Variants in GPHN observed in about 807,000 individuals in gnomAD.
The protein encoded by GPHN is gephyrin.
Under a neutral mutation model 95.5 loss-of-function variants are expected in GPHN, and 17 were observed. That is an observed-to-expected ratio of 0.18 (90% confidence interval 0.12 to 0.27). GPHN has a LOEUF of 0.27. Ranked by LOEUF, GPHN falls within the 10% of genes least tolerant of loss-of-function variation. The probability of loss-of-function intolerance (pLI) is 1.00; values close to 1 mark genes in which losing one functional copy is unlikely to be tolerated. For synonymous variants in GPHN, 320 were observed against 322.5 expected (o/e 0.99, Z 0.08); for missense variants, 660 against 978.1 (o/e 0.67, Z 4.34).
chr14:67,215,310 G>A, the GPHN span, among the ~76,000 whole-genome samples: 1 of 152,144 alleles, frequency 6.6e-6, no homozygotes, highest in African/African-American at 2.4e-5. Flanking sequence ...ATGGTTCAAT[G>A]TGGGAATTGC....
the GPHN span, among the ~76,000 whole-genome samples, chr14:67,426,247 G>A: frequency 8.5e-5 from 13 of 152,276 alleles, no homozygotes; most frequent in South Asian, 2.5e-3. Flanking sequence ...CTATTGTGTG[G>A]TCCGACAGGA....
the GPHN span, among the ~76,000 whole-genome samples, chr14:67,482,375 G>A: frequency 1.3e-5 from 2 of 152,316 alleles, no homozygotes; most frequent in East Asian, 3.9e-4. Flanking sequence ...TCTTGTTTCA[G>A]GGGGCTAAGG....
intron 18 of GPHN, among the ~76,000 whole-genome samples, chr14:67,148,562 T>TTC (rs2081041334): frequency 6.9e-6 from 1 of 144,072 alleles, no homozygotes; most frequent in Non-Finnish European, 1.5e-5. Flanking sequence ...TATTTGCTTT[T>TTC]TTTTTTTTTT....
intron 11 of GPHN, among the ~76,000 whole-genome samples, chr14:67,069,949 A>C (rs2076217495): frequency 6.6e-6 from 1 of 152,218 alleles, no homozygotes; most frequent in Non-Finnish European, 1.5e-5. Flanking sequence ...TATTATCCAA[A>C]TCACTGCCTT....
the GPHN span, chr14:67,684,439 T>C: frequency 6.6e-6 from 1 of 152,230 alleles, no homozygotes; most frequent in African/African-American, 2.4e-5. Flanking sequence ...GGCTCCATTA[T>C]ATGCAGGCTC....
chr14:67,362,958 T>C, the GPHN span, among the ~76,000 whole-genome samples: 32 of 152,168 alleles, frequency 2.1e-4, no homozygotes, highest in Non-Finnish European at 3.5e-4. Flanking sequence ...TTCATAGTCA[T>C]ATCCCTTCAG....
At chr14:66,864,588 C>T (rs1408539519) in intron 4 of GPHN, among the ~76,000 whole-genome samples, 2 of 152,146 alleles carry the variant, frequency 1.3e-5, no homozygotes, top group Admixed American at 1.3e-4. Context: ...TTCTGGCCAA[C>T]ATGGTAAAAC....
downstream of GPHN, among the ~76,000 whole-genome samples, chr14:67,182,826 G>A (rs1479372046): frequency 6.6e-6 from 1 of 150,954 alleles, no homozygotes; most frequent in Non-Finnish European, 1.5e-5. Context: ...GGAGTAAGAT[G>A]GCATGTTAGT....
At chr14:67,509,298 T>C in the GPHN span, among the ~76,000 whole-genome samples, 3 of 149,854 alleles carry the variant, frequency 2.0e-5, no homozygotes, top group Non-Finnish European at 4.4e-5. Context: ...TTTTAACTAG[T>C]TGTGTTTAAT....
the GPHN span, among the ~76,000 whole-genome samples, chr14:67,450,885 A>G: frequency 6.6e-6 from 1 of 152,366 alleles, no homozygotes; most frequent in Non-Finnish European, 1.5e-5. Context: ...TCTCCAGGGC[A>G]TGTCAGAGGT....
At chr14:67,733,061 T>G in the GPHN span, among the ~76,000 whole-genome samples, 1 of 152,092 alleles carries the variant, frequency 6.6e-6, no homozygotes, top group Non-Finnish European at 1.5e-5. Flanking sequence ...ACATGGCACA[T>G]GTATACATAT....
chr14:67,428,224 TGCCTTTTTA>T, the GPHN span, among the ~76,000 whole-genome samples: 4,422 of 152,146 alleles, frequency 0.029, 84 homozygotes, highest in Non-Finnish European at 0.041. Context: ...CAGCTGACAA[TGCCTTTTTA>T]GCCTCCACCT....
the GPHN span, among the ~76,000 whole-genome samples, chr14:67,236,751 TGTTG>T: frequency 6.6e-6 from 1 of 152,178 alleles, no homozygotes; most frequent in Admixed American, 6.5e-5. Context: ...GTTCATTGTT[TGTTG>T]GTTTGCTTTT....
At chr14:66,710,312 A>G (rs901804519) in intron 2 of GPHN, among the ~76,000 whole-genome samples, 5 of 152,152 alleles carry the variant, frequency 3.3e-5, no homozygotes, top group Non-Finnish European at 7.4e-5. Flanking sequence ...TATAAATTTC[A>G]AAATATGTTC....
the GPHN span, among the ~76,000 whole-genome samples, chr14:67,229,808 T>C: frequency 6.6e-6 from 1 of 152,184 alleles, no homozygotes; most frequent in Admixed American, 6.5e-5. Flanking sequence ...TGTCACAAAT[T>C]ACACACAAAA....
chr14:67,439,593 C>CTTTCTTTTT, the GPHN span, among the ~76,000 whole-genome samples: 11 of 109,834 alleles, frequency 1.0e-4, no homozygotes, highest in African/African-American at 3.7e-4. Flanking sequence ...TTCTTTCTTT[C>CTTTCTTTTT]TTCTTTCTTT....
intron 1 of GPHN, among the ~76,000 whole-genome samples, chr14:66,659,541 A>G (rs2065513242): frequency 6.6e-6 from 1 of 151,828 alleles, no homozygotes; most frequent in Non-Finnish European, 1.5e-5. Flanking sequence ...AACTATGTTT[A>G]TGTCTTTTCT....
chr14:67,637,643 C>T, the GPHN span, among the ~76,000 whole-genome samples: 20 of 152,174 alleles, frequency 1.3e-4, no homozygotes, highest in African/African-American at 4.8e-4. Flanking sequence ...ACTATTGGCA[C>T]AGTGGGCATT....
At chr14:67,612,273 A>T in the GPHN span, among the ~76,000 whole-genome samples, 2 of 152,180 alleles carry the variant, frequency 1.3e-5, no homozygotes, top group African/African-American at 4.8e-5. Flanking sequence ...CCAGAGCCAT[A>T]GGAAGCTGGG....
Sources: allele counts gnomAD v4.1 joint callset (sites outside exome capture counted in the v4.1 genomes callset), GRCh38; gene constraint gnomAD v4.1.1; transcripts MANE v1.5; gene names NCBI Gene and HGNC (gene_info 2026-07-23, HGNC 2026-07-21).